COL5A3: variants seen among roughly 807,000 people sequenced by gnomAD.
COL5A3 encodes the protein collagen alpha-3(V) chain.
Under a neutral mutation model 250.0 loss-of-function variants are expected in COL5A3, and 172 were observed. The observed-to-expected ratio is 0.69, with a 90% confidence interval of 0.61 to 0.78. COL5A3 has a LOEUF of 0.78. Among genes scored for constraint, COL5A3 ranks in the 30% least tolerant of loss-of-function variants. The pLI is 0.00. For missense variants in COL5A3, 2,340 were observed against 2,334.4 expected (o/e 1.00, Z -0.05); for synonymous variants, 937 against 900.4 (o/e 1.04, Z -0.73).
At chr19:9,996,911 G>A in intron 11 of COL5A3, 1 of 557,738 alleles carries the variant, frequency 1.8e-6, no homozygotes, top group South Asian at 2.4e-5. Context: ...GGGGAGAGAG[G>A]GATGGAGAAG....
At chr19:9,990,101 T>C (rs1433468751) in intron 24 of COL5A3, among the ~76,000 whole-genome samples, 1 of 151,200 alleles carries the variant, frequency 6.6e-6, no homozygotes, top group Non-Finnish European at 1.5e-5. Context: ...CATTTAAAAA[T>C]AACTAAAAGA....
At position 9,989,299 on chromosome 19, in the gene COL5A3, A is replaced by C. The variant is rs754749825; in HGVS notation, c.2091+23T>G. On this transcript the variant is annotated intron_variant, in intron 26 of 66. Transcript: ENST00000264828. ...GCCTCCCGACCCTCGTCCCCAACCC[A>C]GCCTAACCTCCTGGTCACTCACCTG... The C allele has an allele frequency of 4.3e-6, 7 of 1,613,882 alleles. No homozygotes were observed. The Admixed American group carries it at 1.2e-4, about 27-fold the overall frequency.
Position 9,960,543 on chromosome 19 carries a change from C to T in COL5A3, c.5106G>A (p.Gln1702=), listed in dbSNP as rs766728439. The change falls in exon 67 of 67, where the codon CAG becomes CAA. Residue 1702 remains glutamine (Q), a synonymous_variant. Transcript: ENST00000264828. ...PQDGCRLRKG[Q]TKTLFEFSSS... ...AGCTGAATTCGAAAAGGGTCTTCGT[C>T]TGTCCTTTCCGGAGCTGTCCCCAGA... is the stretch of plus-strand genomic sequence containing the variant. 2.5e-5 allele frequency: 40 copies of T among 1,614,092 alleles called. No individual in the cohort carries two copies. Among genetic ancestry groups the T allele is most frequent in the Non-Finnish European group, 3.2e-5 (38 of 1,180,052 alleles).
chr19:9,982,168 G>A (rs2087021186), intron 31 of COL5A3, 50 bp from the exon 32 acceptor site: 14 of 1,321,470 alleles, frequency 1.1e-5, no homozygotes, highest in Non-Finnish European at 1.5e-5. Flanking sequence ...AGTGAGTGGT[G>A]GGTGGAATTG....
Position 9,986,621 on chromosome 19 carries a change from C to CA in COL5A3, c.2191-16dup. The CA allele has an allele frequency of 6.2e-7, 1 of 1,613,988 alleles. No homozygotes were observed. Among genetic ancestry groups the CA allele is most frequent in the Non-Finnish European group, 8.5e-7 (1 of 1,179,962 alleles). ...CCGTCCTCTCCCTGGGTGGGAGAGA[C>CA]AGAGGCCAGAAGTGAGGGCCTCGGG... On this transcript the variant is annotated splice_polypyrimidine_tract_variant and intron_variant, in intron 28 of 66. Coordinates refer to ENST00000264828, the MANE Select transcript of COL5A3 (RefSeq NM_015719.4).
At position 9,984,942 on chromosome 19, in the gene COL5A3, A is replaced by AT. The variant is rs71188874; in HGVS notation, c.2406+899dup. Among the ~76,000 whole-genome samples, 62 of 82,936 alleles carry AT rather than the reference A, an allele frequency of 7.5e-4. 1 individual carries two copies. Among genetic ancestry groups the AT allele is most frequent in the Middle Eastern group, 6.3e-3 (1 of 160 alleles). The allele number at this position is 82,936 out of a possible 152,430, so 54.4% of individuals were successfully genotyped here. ...AAGTAGCTGGGACCACATCTGGCTA[A>AT]TTTTTTTTTTTTTTTTTTTTTTTTT... is the stretch of plus-strand genomic sequence containing the variant. On this transcript the variant is annotated intron_variant, in intron 31 of 66. Transcript: ENST00000264828.
intron 65 of COL5A3, among the ~76,000 whole-genome samples, chr19:9,962,481 A>ACTTGTC (rs2086687631): frequency 6.6e-6 from 1 of 152,004 alleles, no homozygotes; most frequent in Non-Finnish European, 1.5e-5. Flanking sequence ...TCCCTGGAAC[A>ACTTGTC]CTTGTCCTTG....
chr19:9,991,074 T>G (rs1429331947), intron 24 of COL5A3, among the ~76,000 whole-genome samples: 2 of 151,040 alleles, frequency 1.3e-5, no homozygotes, highest in Non-Finnish European at 2.9e-5. Context: ...AAAAAGAAAA[T>G]AAGAAAAGAA....
chr19:9,999,250 G>A (rs1290964876), intron 8 of COL5A3, among the ~76,000 whole-genome samples: 1 of 149,708 alleles, frequency 6.7e-6, no homozygotes, highest in Non-Finnish European at 1.5e-5. Flanking sequence ...GAATGCAGGG[G>A]TACAATCATG....
At chr19:9,961,769 A>G (rs1311511113) in intron 65 of COL5A3, among the ~76,000 whole-genome samples, 2 of 152,092 alleles carry the variant, frequency 1.3e-5, no homozygotes, top group Admixed American at 6.6e-5. Context: ...CATGTTAGCC[A>G]GGATGGTCTC....
chr19:9,970,313 A>T (rs539716911), intron 54 of COL5A3, among the ~76,000 whole-genome samples: 57 of 24,930 alleles, frequency 2.3e-3, no homozygotes, highest in African/African-American at 2.8e-3. Context: ...GGTGAGTGGA[A>T]TCTGTGGGTG....
In COL5A3 at chr19:9,966,378, C is replaced by T. The variant is rs2086745052; in HGVS notation, c.4718G>A (p.Arg1573Lys). 4 of 1,610,172 alleles carry T rather than the reference C, an allele frequency of 2.5e-6. No individual in the cohort carries two copies. Among genetic ancestry groups the T allele is most frequent in the Non-Finnish European group, 3.4e-6 (4 of 1,177,660 alleles). ...PNQGCARDSF[R>K]VFCNFTAGGE... is the part of the protein sequence containing the mutation. ...TCCCGCCGTGAAGTTGCAAAAAACC[C>T]TGAACGAGTCCCGCGCGCAGCCCTG... The change falls in exon 64 of 67, where the codon AGG becomes AAG. Residue 1573 changes from arginine to lysine, a missense_variant. Physicochemically the swap from Arg to Lys is conservative, Grantham distance 26 (BLOSUM62 2). Transcript: ENST00000264828.
chr19:10,006,155 G>C lies in COL5A3; in HGVS notation c.165C>G (p.Pro55=), dbSNP rs2145147253. ...CCCGGTCACCCTCTGGAGTCCTCTG[G>C]GGACAGAAGCCAGGCCCCTCGGGGA... ...AGVPEGPGFC[P]QRTPEGDRAF... is the part of the protein sequence containing the mutation. The change falls in exon 2 of 67, where the codon CCC becomes CCG. Residue 55 remains proline (P), a synonymous_variant. Transcript: ENST00000264828. 6.2e-7 allele frequency: 1 copy of C among 1,611,908 alleles called. No individual in the cohort carries two copies. Among genetic ancestry groups the C allele is most frequent in the South Asian group, 1.1e-5 (1 of 90,670 alleles).
At chr19:9,979,326 G>A (rs764410367) in intron 38 of COL5A3, 38 bp downstream of exon 38, 1 of 1,612,256 alleles carries the variant, frequency 6.2e-7, no homozygotes, top group East Asian at 2.2e-5. Context: ...TCCCCCAACT[G>A]GTACAAAACA....
At chr19:9,973,715 T>C in intron 49 of COL5A3, 41 bp downstream of exon 49, 1 of 1,613,508 alleles carries the variant, frequency 6.2e-7, no homozygotes, top group Non-Finnish European at 8.5e-7. Flanking sequence ...GGACTAGATT[T>C]ATCTCTTCCC....
intron 23 of COL5A3, 45 bp from the exon 24 acceptor site, chr19:9,991,699 G>A (rs10411233): frequency 9.3e-6 from 15 of 1,607,534 alleles, no homozygotes; most frequent in South Asian, 3.3e-5. Flanking sequence ...AGAAAGAAGC[G>A]GTGAGTGTGG....
chr19:9,976,118 C>G, intron 45 of COL5A3, among the ~76,000 whole-genome samples: 1 of 134,808 alleles, frequency 7.4e-6, no homozygotes, highest in Non-Finnish European at 1.6e-5. Context: ...TGGGATTGAG[C>G]CAAATTCTGG....
chr19:9,960,952 A>AC, intron 65 of COL5A3, 62 bp from the exon 66 acceptor site: 3 of 1,571,078 alleles, frequency 1.9e-6, no homozygotes. Context: ...TGCAGAAGCC[A>AC]CCCCCTGGAA....
At chr19:9,970,432 T>C (rs902451267) in intron 54 of COL5A3, among the ~76,000 whole-genome samples, 190 bp downstream of exon 54, 2 of 21,966 alleles carry the variant, frequency 9.1e-5, no homozygotes, top group Non-Finnish European at 7.5e-5. Flanking sequence ...GTAAGGTGAG[T>C]GGGGTCTGTG....
Sources: allele counts gnomAD v4.1 joint callset (sites outside exome capture counted in the v4.1 genomes callset), GRCh38; gene constraint gnomAD v4.1.1; transcripts MANE v1.5; gene names NCBI Gene and HGNC (gene_info 2026-07-23, HGNC 2026-07-21).